The following CHST9 variants were observed in gnomAD, a reference collection of about 807,000 sequenced individuals.
The protein encoded by CHST9 is GalNAc-4-sulfotransferase 2.
In CHST9, 41 loss-of-function variants were observed where a neutral mutation model predicts 44.4. The ratio of observed to expected loss-of-function variants is 0.92; its 90% CI spans 0.72 to 1.20. The LOEUF (loss-of-function observed/expected upper bound fraction) is 1.20, where lower values mean the gene tolerates loss of function less well. CHST9 is among the 50% of genes most tolerant of loss of function. The probability of loss-of-function intolerance (pLI) is 0.00; values close to 1 mark genes in which losing one functional copy is unlikely to be tolerated. For synonymous variants in CHST9, 171 were observed against 178.4 expected (o/e 0.96, Z 0.33); for missense variants, 504 against 516.5 (o/e 0.98, Z 0.23).
chr18:26,979,863 T>C (rs1055273095), intron 4 of CHST9, among the ~76,000 whole-genome samples: 6 of 152,224 alleles, frequency 3.9e-5, no homozygotes, highest in African/African-American at 9.6e-5. Flanking sequence ...CCTCAATTGC[T>C]GGTTTCCATA....
chr18:27,102,582 A>G (rs1811398963), intron 2 of CHST9, among the ~76,000 whole-genome samples: 1 of 152,234 alleles, frequency 6.6e-6, no homozygotes. Flanking sequence ...TATTCAGTTA[A>G]CAATGTGTAA....
intron 4 of CHST9, among the ~76,000 whole-genome samples, chr18:26,984,549 C>A (rs1243849751): frequency 6.6e-6 from 1 of 151,708 alleles, no homozygotes; most frequent in Non-Finnish European, 1.5e-5. Flanking sequence ...TTTTTATTAT[C>A]CAAAGACACC....
At chr18:27,110,494 TTA>T (rs2058261929) in intron 2 of CHST9, among the ~76,000 whole-genome samples, 1 of 152,232 alleles carries the variant, frequency 6.6e-6, no homozygotes, top group Non-Finnish European at 1.5e-5. Context: ...TGTAACCAAA[TTA>T]CTTCCAGTTC....
chr18:27,163,140 C>T (rs1222445027), intron 1 of CHST9, among the ~76,000 whole-genome samples: 1 of 152,180 alleles, frequency 6.6e-6, no homozygotes, highest in African/African-American at 2.4e-5. Flanking sequence ...TATTGGTGAA[C>T]AGCAGATGTT....
At chr18:27,096,997 C>A (rs1199603015) in intron 2 of CHST9, among the ~76,000 whole-genome samples, 2 of 152,034 alleles carry the variant, frequency 1.3e-5, no homozygotes, top group Non-Finnish European at 2.9e-5. Flanking sequence ...AGGCCAACAT[C>A]CCTGAAGAAC....
In CHST9 at chr18:26,908,506, A is replaced by T. The variant is rs1318074056; in HGVS notation, c.*7753T>A. 2 of 152,312 alleles carry T rather than the reference A, an allele frequency of 1.3e-5. No homozygotes were observed. The highest frequency in any genetic ancestry group is 3.9e-4 in the East Asian group (2 of 5,188). The allele number at this position is 152,312 out of a possible 1,614,324, so 9.4% of individuals were successfully genotyped here. ...TGATAAGGTGATAAAATTTTATGTT[A>T]TGTGGATTTTGCCACAATTGAAAAT... On this transcript the variant is annotated 3_prime_UTR_variant, in exon 6 of 6. Coordinates refer to ENST00000618847, the MANE Select transcript of CHST9 (RefSeq NM_031422.6).
chr18:27,007,976 C>A (rs1333029637), intron 4 of CHST9, among the ~76,000 whole-genome samples: 1 of 152,110 alleles, frequency 6.6e-6, no homozygotes, highest in African/African-American at 2.4e-5. Context: ...ATTGCAAATG[C>A]TGACAGAAAG....
Position 26,916,253 on chromosome 18 carries a change from T to C in CHST9, c.*6A>G. ...TATATACAGGGTTTTAGAAAATGAA[T>C]GCAAACTACAAAAATGGAGTTGTAT... is the stretch of plus-strand genomic sequence containing the variant. On this transcript the variant is annotated 3_prime_UTR_variant, in exon 6 of 6. Coordinates refer to ENST00000618847, the MANE Select transcript of CHST9 (RefSeq NM_031422.6). 6.6e-7 allele frequency: 1 copy of C among 1,521,398 alleles called. No individual in the cohort carries two copies. Among genetic ancestry groups the C allele is most frequent in the Non-Finnish European group, 9.0e-7 (1 of 1,109,104 alleles). The allele number at this position is 1,521,398 out of a possible 1,614,324, so 94.2% of individuals were successfully genotyped here.
intron 3 of CHST9, among the ~76,000 whole-genome samples, chr18:27,045,003 C>T (rs1386318714): frequency 6.9e-6 from 1 of 143,956 alleles, no homozygotes; most frequent in Non-Finnish European, 1.5e-5. Flanking sequence ...AGATGTTCTA[C>T]ATTTGCTAAA....
At chr18:27,053,452 C>G (rs1283604736) in intron 2 of CHST9, among the ~76,000 whole-genome samples, 1 of 152,058 alleles carries the variant, frequency 6.6e-6, no homozygotes, top group African/African-American at 2.4e-5. Flanking sequence ...CTCCTTCTTC[C>G]CATCTAATCT....
chr18:27,154,480 G>A (rs1433670746), intron 1 of CHST9, among the ~76,000 whole-genome samples: 1 of 152,020 alleles, frequency 6.6e-6, no homozygotes, highest in African/African-American at 2.4e-5. Context: ...GTGGACAAGG[G>A]AGTGGAATGA....
In CHST9 at chr18:26,912,266, G is replaced by A. The variant is rs531060021; in HGVS notation, c.*3993C>T. The A allele has an allele frequency of 6.6e-6, 1 of 152,108 alleles. No individual in the cohort carries two copies. Among genetic ancestry groups the A allele is most frequent in the South Asian group, 2.1e-4 (1 of 4,818 alleles). 9.4% of individuals were successfully genotyped at this position (152,108 alleles called of 1,614,324 possible). A position where few individuals can be genotyped will look rare whatever the true frequency, so the allele number is the denominator to read the frequency against. ...ATGATTAACTAAGGATTACAAAAAA[G>A]TTGTGGGGAGGAAACCTAATTTCTT... On this transcript the variant is annotated 3_prime_UTR_variant, in exon 6 of 6. Coordinates refer to ENST00000618847, the MANE Select transcript of CHST9 (RefSeq NM_031422.6).
At chr18:27,158,515 T>G (rs1598766318) in intron 1 of CHST9, among the ~76,000 whole-genome samples, 1 of 151,010 alleles carries the variant, frequency 6.6e-6, no homozygotes, top group South Asian at 2.1e-4. Flanking sequence ...TGTTGGACAT[T>G]TGGGTTGGTT....
chr18:27,133,006 T>A (rs1463743897), intron 2 of CHST9, among the ~76,000 whole-genome samples: 1 of 152,120 alleles, frequency 6.6e-6, no homozygotes, highest in Admixed American at 6.5e-5. Flanking sequence ...ATATTCCAAG[T>A]CTCAAAAGCC....
chr18:27,158,359 G>T (rs1013919644), intron 1 of CHST9, among the ~76,000 whole-genome samples: 1 of 151,540 alleles, frequency 6.6e-6, no homozygotes, highest in African/African-American at 2.4e-5. Flanking sequence ...GCAGTGTTTG[G>T]TTTTTTGTCC....
chr18:27,065,528 G>T (rs2057772327), intron 2 of CHST9, among the ~76,000 whole-genome samples: 1 of 150,816 alleles, frequency 6.6e-6, no homozygotes, highest in African/African-American at 2.4e-5. Context: ...AGTTGGGAGA[G>T]AGTGGAGAAA....
At chr18:26,990,440 A>G (rs893630940) in intron 4 of CHST9, among the ~76,000 whole-genome samples, 2 of 152,154 alleles carry the variant, frequency 1.3e-5, no homozygotes, top group East Asian at 3.8e-4. Flanking sequence ...TTGGGTTGTT[A>G]GGATTCACTT....
chr18:27,151,654 G>A (rs1477325365), intron 1 of CHST9, among the ~76,000 whole-genome samples: 1 of 152,182 alleles, frequency 6.6e-6, no homozygotes, highest in Non-Finnish European at 1.5e-5. Context: ...GAGGAAGTCA[G>A]AGTGATGTGA....
In CHST9 at chr18:27,058,087, T is replaced by G. The variant is rs116298595; in HGVS notation, c.122-9584A>C. Among the ~76,000 whole-genome samples, 1,156 of 152,308 alleles carry G rather than the reference T, an allele frequency of 7.6e-3. 13 individuals are homozygous for G. Among genetic ancestry groups the G allele is most frequent in the African/African-American group, 0.025 (1,059 of 41,570 alleles). ...TTTGGAAGACCTTTAGAGGTTGAAG[T>G]CAGACTGGCAATAGTAAATACCTAA... On this transcript the variant is annotated intron_variant, in intron 2 of 5. Transcript: ENST00000618847.
Sources: allele counts gnomAD v4.1 joint callset (sites outside exome capture counted in the v4.1 genomes callset), GRCh38; gene constraint gnomAD v4.1.1; transcripts MANE v1.5; gene names NCBI Gene and HGNC (gene_info 2026-07-23, HGNC 2026-07-21).